The following COL28A1 variants were observed in gnomAD, a reference collection of about 807,000 sequenced individuals.
COL28A1 encodes the protein collagen type XXVIII alpha 1 chain.
Under a neutral mutation model 150.2 loss-of-function variants are expected in COL28A1, and 161 were observed. The observed-to-expected ratio is 1.07, with a 90% CI of 0.94 to 1.22. The LOEUF (loss-of-function observed/expected upper bound fraction) is 1.22. Among genes scored for constraint, COL28A1 ranks in the 50% most tolerant of loss-of-function variants. The pLI is 0.00. For synonymous variants in COL28A1, 552 were observed against 469.7 expected, an observed-to-expected ratio of 1.18 and a Z score of -2.26; for missense variants, 1,617 against 1,388.3, an observed-to-expected ratio of 1.16 and a Z score of -2.62.
intron 13 of COL28A1, among the ~76,000 whole-genome samples, chr7:7,481,492 AC>A (rs1789380004): frequency 6.6e-6 from 1 of 152,238 alleles, no homozygotes; most frequent in Non-Finnish European, 1.5e-5. Flanking sequence ...TTTTTAAAAG[AC>A]AGAAATCCTT....
chr7:7,436,405 C>G lies in COL28A1; in HGVS notation c.1850G>C (p.Arg617Pro). ...ATGAATAAAGCATACCTTTGGTCCT[C>G]GAATAGAAAGTCCAGGTTCTCCCTT... ...GFKGEPGLSI[R>P]GPKGVQGPRG... The change falls in exon 23 of 35, where the codon CGA becomes CCA. Residue 617 changes from arginine to proline, a missense_variant. Physicochemically the swap from Arg to Pro is moderately radical, Grantham distance 103. Coordinates refer to ENST00000399429, the MANE Select transcript of COL28A1 (RefSeq NM_001037763.3). The G allele has an allele frequency of 7.3e-7, 1 of 1,372,904 alleles. No individual in the cohort carries two copies. The highest frequency in any genetic ancestry group is 1.4e-5 in the African/African-American group (1 of 70,448). The allele number at this position is 1,372,904 out of a possible 1,614,324, so 85.0% of individuals were successfully genotyped here.
rs1394329121 is a variant in COL28A1 at position 7,524,152 on chromosome 7, T to C, written c.702+77A>G. 3.5e-6 allele frequency: 3 copies of C among 845,410 alleles called. No homozygotes were observed. The Admixed American group carries it at 5.3e-5, about 15-fold the overall frequency. 52.4% of individuals were successfully genotyped at this position (845,410 alleles called of 1,614,324 possible). A position where few individuals can be genotyped will look rare whatever the true frequency, so the allele number is the denominator to read the frequency against. ...TTTTATTTAGTCACACTTAATCTTC[T>C]AATGTGAATTATAATGCTGATTTGA... is the stretch of plus-strand genomic sequence containing the variant. On this transcript the variant is annotated intron_variant, in intron 4 of 34. Coordinates refer to ENST00000399429, the MANE Select transcript of COL28A1 (RefSeq NM_001037763.3).
intron 27 of COL28A1, among the ~76,000 whole-genome samples, chr7:7,412,704 TACTC>T (rs1046232076): frequency 1.3e-5 from 2 of 152,046 alleles, no homozygotes; most frequent in Non-Finnish European, 2.9e-5. Flanking sequence ...AGAGATGAAA[TACTC>T]AGGAAGTGGA....
chr7:7,356,478 C>T (rs1174927611), downstream of COL28A1: 2 of 152,098 alleles, frequency 1.3e-5, no homozygotes, highest in African/African-American at 4.8e-5. Flanking sequence ...AATTGACAAG[C>T]ATGTTACATA....
chr7:7,364,527 G>A (rs1242446983), intron 33 of COL28A1, among the ~76,000 whole-genome samples: 1 of 152,150 alleles, frequency 6.6e-6, no homozygotes, highest in Non-Finnish European at 1.5e-5. Context: ...ACTCCTCTAA[G>A]CTCTATTGTT....
chr7:7,457,915 C>T (rs1787302223), intron 15 of COL28A1, among the ~76,000 whole-genome samples: 2 of 152,088 alleles, frequency 1.3e-5, no homozygotes, highest in Admixed American at 1.3e-4. Flanking sequence ...AACTTTTAAA[C>T]AGTTGGATAG....
At chr7:7,391,114 C>A (rs9648611) in intron 27 of COL28A1, among the ~76,000 whole-genome samples, 98,903 of 152,038 alleles carry the variant, frequency 0.65, 32,406 homozygotes, top group South Asian at 0.7. Context: ...GTGGGCATTT[C>A]GTGCTATAAA....
chr7:7,519,590 G>T (rs1393770309), intron 6 of COL28A1, among the ~76,000 whole-genome samples: 1 of 152,002 alleles, frequency 6.6e-6, no homozygotes, highest in African/African-American at 2.4e-5. Context: ...GATTTTTTTT[G>T]ATAGGTACAC....
intron 15 of COL28A1, among the ~76,000 whole-genome samples, chr7:7,461,590 A>C (rs1265868737): frequency 6.6e-6 from 1 of 152,100 alleles, no homozygotes; most frequent in Non-Finnish European, 1.5e-5. Context: ...CACTGGAGCT[A>C]GGTTAGGACT....
intron 33 of COL28A1, among the ~76,000 whole-genome samples, chr7:7,365,296 C>G (rs1033927526): frequency 1.6e-5 from 1 of 61,588 alleles, no homozygotes; most frequent in Non-Finnish European, 4.7e-5. Flanking sequence ...CCTGTCAACT[C>G]TGCACATTTC....
intron 25 of COL28A1, among the ~76,000 whole-genome samples, chr7:7,427,071 T>C (rs1784680683): frequency 1.3e-5 from 2 of 152,120 alleles, no homozygotes; most frequent in Non-Finnish European, 2.9e-5. Context: ...AGTACGTACA[T>C]ACTCATAAGA....
intron 25 of COL28A1, among the ~76,000 whole-genome samples, chr7:7,421,522 C>A (rs1387546687): frequency 2.0e-5 from 3 of 151,766 alleles, no homozygotes; most frequent in Non-Finnish European, 4.4e-5. Flanking sequence ...AACTACCACC[C>A]AAGACCTTTA....
chr7:7,355,367 T>G (rs1463854519), downstream of COL28A1, among the ~76,000 whole-genome samples: 1 of 152,082 alleles, frequency 6.6e-6, no homozygotes, highest in East Asian at 1.9e-4. Context: ...CCAAACACTT[T>G]GGGAGGCTGA....
chr7:7,432,537 G>A lies in COL28A1; in HGVS notation c.1934C>T (p.Pro645Leu), dbSNP rs201056877. 147 of 1,613,822 alleles carry A rather than the reference G, an allele frequency of 9.1e-5. No individual in the cohort carries two copies. Among genetic ancestry groups the A allele is most frequent in the Middle Eastern group, 1.6e-4 (1 of 6,084 alleles). ...CCCAGGGGGTCCTGGTAATCCACGA[G>A]GTCCCTGAGATGACACAGTAAGGGA... ...KGDGYPGVPG[P>L]RGLPGPPGPM... Residue 645 changes from proline (P) to leucine (L), a missense_variant, in exon 25 of 35, where the codon CCT becomes CTT. Pro to Leu is a moderately conservative substitution (Grantham distance 98). Transcript: ENST00000399429.
intron 1 of COL28A1, among the ~76,000 whole-genome samples, chr7:7,535,334 A>T (rs369241765): frequency 2.6e-5 from 4 of 152,170 alleles, no homozygotes; most frequent in African/African-American, 9.7e-5. Flanking sequence ...AGAGTTCACC[A>T]ACTTTAGTTA....
chr7:7,442,338 C>A (rs1303466945), intron 20 of COL28A1, among the ~76,000 whole-genome samples: 1 of 152,218 alleles, frequency 6.6e-6, no homozygotes, highest in Non-Finnish European at 1.5e-5. Flanking sequence ...AACCTCAACT[C>A]TCTTCCTTAG....
intron 3 of COL28A1, among the ~76,000 whole-genome samples, chr7:7,528,485 T>C (rs538671338): frequency 1.3e-5 from 2 of 152,306 alleles, no homozygotes; most frequent in Non-Finnish European, 2.9e-5. Flanking sequence ...ATGATTTGTT[T>C]TGTCTTTGCT....
chr7:7,480,761 CCT>C (rs1789325286), intron 13 of COL28A1, among the ~76,000 whole-genome samples: 1 of 152,134 alleles, frequency 6.6e-6, no homozygotes, highest in Non-Finnish European at 1.5e-5. Flanking sequence ...AAAACTGCTC[CCT>C]GTCTCATGGA....
intron 25 of COL28A1, among the ~76,000 whole-genome samples, chr7:7,421,648 C>T (rs890676734): frequency 6.6e-6 from 1 of 152,148 alleles, no homozygotes; most frequent in Non-Finnish European, 1.5e-5. Flanking sequence ...GAAAAACAGT[C>T]CATCTTTTAA....
Sources: allele counts gnomAD v4.1 joint callset (sites outside exome capture counted in the v4.1 genomes callset), GRCh38; gene constraint gnomAD v4.1.1; transcripts MANE v1.5; gene names NCBI Gene and HGNC (gene_info 2026-07-23, HGNC 2026-07-21).